The following DCLRE1C variants were observed in gnomAD, a reference collection of about 807,000 sequenced individuals.
The protein encoded by DCLRE1C is protein artemis.
A neutral mutation model predicts 61.4 loss-of-function variants in DCLRE1C; 47 were observed. The ratio of observed to expected loss-of-function variants is 0.77; its 90% CI spans 0.61 to 0.98. The LOEUF (loss-of-function observed/expected upper bound fraction) is 0.98, where lower values mean the gene tolerates loss of function less well. Ranked by LOEUF, DCLRE1C falls within the 50% of genes least tolerant of loss-of-function variation. The probability of loss-of-function intolerance (pLI) is 0.00; values close to 1 mark genes in which losing one functional copy is unlikely to be tolerated. For synonymous variants in DCLRE1C, 337 were observed against 287.6 expected (o/e 1.17, Z -1.74); for missense variants, 858 against 816.0 (o/e 1.05, Z -0.63).
At chr10:14,928,706 G>C (rs185291195) in intron 9 of DCLRE1C, among the ~76,000 whole-genome samples, 1 of 152,110 alleles carries the variant, frequency 6.6e-6, no homozygotes, top group Admixed American at 6.5e-5. Context: ...GGAGTGGGGA[G>C]TTGGTTATAA....
chr10:14,946,330 A>C (rs915031322), intron 2 of DCLRE1C, among the ~76,000 whole-genome samples: 3 of 152,202 alleles, frequency 2.0e-5, no homozygotes, highest in Admixed American at 2.0e-4. Context: ...TTAAAACTTA[A>C]CGCTATCATT....
downstream of DCLRE1C, among the ~76,000 whole-genome samples, chr10:14,902,145 T>C (rs936433760): frequency 1.3e-5 from 2 of 152,234 alleles, no homozygotes; most frequent in African/African-American, 4.8e-5. Flanking sequence ...TATGGGCTAA[T>C]AACATAAAGT....
chr10:14,900,456 G>T (rs1203995965), downstream of DCLRE1C, among the ~76,000 whole-genome samples: 4 of 152,154 alleles, frequency 2.6e-5, no homozygotes, highest in Non-Finnish European at 5.9e-5. Context: ...TAAGAAATTG[G>T]TGTATGATTA....
chr10:14,908,791 T>G lies in DCLRE1C; in HGVS notation c.1696A>C (p.Asn566His). ...TCCAAGGAAGTAATATCCCCACTGT[T>G]TCTCTCTTGGGAAGATAACAAAACA... ...DTVLLSSQER[N>H]SGDITSLDKA... The change falls in exon 14 of 14, where the codon AAC (asparagine) becomes CAC (histidine). Residue 566 changes from asparagine to histidine, a missense_variant. Coordinates refer to ENST00000378278, the MANE Select transcript of DCLRE1C (RefSeq NM_001033855.3). The G allele has an allele frequency of 6.2e-7, 1 of 1,614,246 alleles. No individual in the cohort carries two copies. The highest frequency in any genetic ancestry group is 1.6e-4 in the Middle Eastern group (1 of 6,062).
At chr10:14,919,917 G>T (rs1159791021) in intron 12 of DCLRE1C, 85 bp from the exon 13 acceptor site, 8 of 1,165,354 alleles carry the variant, frequency 6.9e-6, no homozygotes, top group Middle Eastern at 2.0e-4. Context: ...AAATTTTTTT[G>T]ATTTTGTTTT....
At chr10:14,920,111 G>C (rs1229618826) in intron 12 of DCLRE1C, among the ~76,000 whole-genome samples, 1 of 152,128 alleles carries the variant, frequency 6.6e-6, no homozygotes, top group Non-Finnish European at 1.5e-5. Context: ...TGTTACATCA[G>C]TAGACTAAGG....
intron 2 of DCLRE1C, among the ~76,000 whole-genome samples, chr10:14,946,297 C>G (rs1262937691): frequency 6.6e-6 from 1 of 151,806 alleles, no homozygotes; most frequent in Non-Finnish European, 1.5e-5. Flanking sequence ...CATGAGCCAC[C>G]GCGCCCAGAC....
At chr10:14,929,256 T>G (rs1216965112) in intron 9 of DCLRE1C, among the ~76,000 whole-genome samples, 8 of 151,822 alleles carry the variant, frequency 5.3e-5, no homozygotes, top group African/African-American at 1.9e-4. Context: ...AATACAAAAC[T>G]AGCCAGGCAT....
chr10:14,913,307 TTAGA>T (rs774101454), intron 13 of DCLRE1C, among the ~76,000 whole-genome samples: 1 of 152,216 alleles, frequency 6.6e-6, no homozygotes. Flanking sequence ...TGTTCCAAAA[TTAGA>T]TAGTGGGGAT....
intron 3 of DCLRE1C, among the ~76,000 whole-genome samples, chr10:14,944,304 G>T (rs1389680338): frequency 1.3e-5 from 2 of 152,074 alleles, no homozygotes; most frequent in Non-Finnish European, 2.9e-5. Context: ...TTTGAGACCT[G>T]CCTGACCAAC....
chr10:14,908,111 C>G lies in DCLRE1C; in HGVS notation c.*297G>C. ...TCATGGCTCACTGCAGCCTCAATCT[C>G]CTGGGCTCAAGTGATCCTCAAGGGC... On this transcript the variant is annotated 3_prime_UTR_variant, in exon 14 of 14. Transcript: ENST00000378278. 1 of 333,500 alleles carries G rather than the reference C, an allele frequency of 3.0e-6. No homozygotes were observed. Among genetic ancestry groups the G allele is most frequent in the Non-Finnish European group, 5.4e-6 (1 of 183,550 alleles). The allele number at this position is 333,500 out of a possible 1,614,324, so 20.7% of individuals were successfully genotyped here. A position where few individuals can be genotyped will look rare whatever the true frequency, so the allele number is the denominator to read the frequency against.
At chr10:14,912,147 C>G (rs563745798) in intron 13 of DCLRE1C, among the ~76,000 whole-genome samples, 2 of 152,170 alleles carry the variant, frequency 1.3e-5, no homozygotes, top group Non-Finnish European at 2.9e-5. Flanking sequence ...AATAATTAAA[C>G]CATCATAAGG....
At chr10:14,902,592 CTT>C (rs2131729014), downstream of DCLRE1C, 1 of 869,016 alleles carries the variant, frequency 1.2e-6, no homozygotes, top group Middle Eastern at 3.7e-4. Context: ...ATTTGGGACT[CTT>C]ATTATCAAGG....
Position 14,909,061 on chromosome 10 carries a change from C to CAG in DCLRE1C, c.1424_1425dup (p.Val476LeufsTer69). ...CCATCAGCCTTTTGCAGGTGAAGTA[C>CAG]AGAGCCCAGATCTCCTTGCAGTGAA... is the stretch of plus-strand genomic sequence containing the variant. On this transcript the variant is annotated frameshift_variant, in exon 14 of 14. Coordinates refer to ENST00000378278, the MANE Select transcript of DCLRE1C (RefSeq NM_001033855.3). LOFTEE classifies it low-confidence loss of function (END_TRUNC). The CAG allele has an allele frequency of 2.5e-6, 4 of 1,614,146 alleles. No homozygotes were observed. Among genetic ancestry groups the CAG allele is most frequent in the Non-Finnish European group, 3.4e-6 (4 of 1,180,024 alleles).
intron 5 of DCLRE1C, 91 bp downstream of exon 5, chr10:14,936,447 C>A: frequency 1.0e-6 from 1 of 984,666 alleles, no homozygotes; most frequent in East Asian, 2.6e-5. Flanking sequence ...TGCACCCAGC[C>A]CCCTATTAAT....
intron 13 of DCLRE1C, among the ~76,000 whole-genome samples, chr10:14,914,777 A>G (rs1835884862): frequency 6.6e-5 from 10 of 152,170 alleles, no homozygotes; most frequent in Admixed American, 6.5e-4. Context: ...TGTGGCTACT[A>G]AAAATACAAA....
chr10:14,925,949 T>C (rs1037897825), intron 11 of DCLRE1C, among the ~76,000 whole-genome samples: 2 of 152,174 alleles, frequency 1.3e-5, no homozygotes, highest in Non-Finnish European at 2.9e-5. Flanking sequence ...CTCCATACTG[T>C]TCTAATGACA....
In DCLRE1C at chr10:14,919,764, C is replaced by T; in HGVS notation, c.1130G>A (p.Arg377Lys). The T allele has an allele frequency of 1.2e-6, 2 of 1,613,938 alleles. No homozygotes were observed. Among genetic ancestry groups the T allele is most frequent in the Non-Finnish European group, 1.7e-6 (2 of 1,179,920 alleles). ...PKYKPLGKLKRARTVHRDSEE... is the reference protein window; with the variant it reads ...PKYKPLGKLKKARTVHRDSEE... ...TGAGTCTCGGTGAACTGTTCTAGCTCTCTTCAGTTTTCCCAGTGGTTTATA... is the reference window on the plus strand; with the variant it reads ...TGAGTCTCGGTGAACTGTTCTAGCTTTCTTCAGTTTTCCCAGTGGTTTATA... The change falls in exon 13 of 14, where the codon AGA becomes AAA. Residue 377 changes from arginine (R) to lysine (K), a missense_variant. By Grantham distance (26) the Arg-to-Lys change is conservative. Around this residue, in one of 2 missense-constraint regions of DCLRE1C, gnomAD observed 843 missense variants for 783.5 expected, o/e 1.08. Coordinates refer to ENST00000378278, the MANE Select transcript of DCLRE1C (RefSeq NM_001033855.3).
Position 14,954,040 on chromosome 10 carries a change from C to G in DCLRE1C, c.-30G>C. 2 of 1,613,474 alleles carry G rather than the reference C, an allele frequency of 1.2e-6. No individual in the cohort carries two copies. The highest frequency in any genetic ancestry group is 1.7e-6 in the Non-Finnish European group (2 of 1,179,868). ...CCGCCGATCCCAGAGTCCGGGACCC[C>G]AAAACCGCAGCTGAAGCCAAGGCCA... On this transcript the variant is annotated 5_prime_UTR_variant, in exon 1 of 14. Transcript: ENST00000378278.
Sources: gnomAD v4.1 joint callset for allele counts (sites outside exome capture counted in the v4.1 genomes callset) on GRCh38, gnomAD v4.1.1 for gene constraint, gnomAD v4.1.1 regional missense constraint, MANE v1.5 for transcripts, NCBI Gene and HGNC (gene_info 2026-07-23, HGNC 2026-07-21) for gene names.